Variants in IDO2 observed in about 807,000 individuals in gnomAD.
IDO2 encodes the protein indoleamine 2,3-dioxygenase 2, also known as indoleamine 2,3-dioxygenase-like 1 protein.
Under a neutral mutation model 45.1 loss-of-function variants are expected in IDO2, and 46 were observed. That is an observed-to-expected ratio of 1.02 (90% CI 0.80 to 1.30). The LOEUF (loss-of-function observed/expected upper bound fraction) is 1.30. Ranked by LOEUF, IDO2 falls within the 50% of genes most tolerant of loss-of-function variation. IDO2 has a pLI of 0.00. For synonymous variants in IDO2, 218 were observed against 184.9 expected (o/e 1.18, Z -1.45); for missense variants, 544 against 491.8 (o/e 1.11, Z -1.00).
chr8:39,943,320 G>A (rs1003373251), intron 1 of IDO2, among the ~76,000 whole-genome samples: 5 of 152,108 alleles, frequency 3.3e-5, no homozygotes, highest in African/African-American at 1.2e-4. Flanking sequence ...GCAGTAAGCC[G>A]AGATTGTGCC....
At position 40,002,927 on chromosome 8, in the gene IDO2, G is replaced by T. The variant is rs191770312; in HGVS notation, c.668-2400G>T. 3.9e-4 allele frequency among the ~76,000 whole-genome samples: 60 copies of T among 152,178 alleles called. No individual in the cohort carries two copies. In the East Asian group the frequency reaches 5.6e-3, roughly 14 times the overall value. ...TATTATGAATAAGGCAAAAAGAGAG[G>T]CAGAGAATAGCATAAAATAATAACT... On this transcript the variant is annotated intron_variant, in intron 8 of 10. Transcript: ENST00000502986.
chr8:39,985,544 A>G, intron 6 of IDO2, 22 bp downstream of exon 6: 3 of 1,556,144 alleles, frequency 1.9e-6, no homozygotes, highest in Non-Finnish European at 2.6e-6. Context: ...GAAATCATTT[A>G]CGCACTTTAG....
At chr8:39,942,387 T>C (rs1807655944) in intron 1 of IDO2, among the ~76,000 whole-genome samples, 1 of 152,214 alleles carries the variant, frequency 6.6e-6, no homozygotes, top group Non-Finnish European at 1.5e-5. Flanking sequence ...TTCACGCCTG[T>C]AATCCCAGCA....
chr8:39,943,685 C>G (rs1406978333), intron 1 of IDO2, among the ~76,000 whole-genome samples: 1 of 141,778 alleles, frequency 7.1e-6, no homozygotes, highest in Non-Finnish European at 1.5e-5. Flanking sequence ...CTGCAGTGAG[C>G]TGAGATCGCG....
At chr8:39,973,105 A>G (rs893509422) in intron 3 of IDO2, among the ~76,000 whole-genome samples, 4 of 152,132 alleles carry the variant, frequency 2.6e-5, no homozygotes, top group Admixed American at 1.3e-4. Context: ...AAGTAAATAG[A>G]TGATGGATGA....
chr8:39,963,416 G>A (rs1808029040), intron 2 of IDO2, among the ~76,000 whole-genome samples, 192 bp from the exon 3 acceptor site: 1 of 152,112 alleles, frequency 6.6e-6, no homozygotes, highest in South Asian at 2.1e-4. Context: ...TCCCGTACTA[G>A]GCAATATGCT....
chr8:39,969,875 C>CA (rs34762202), intron 3 of IDO2, among the ~76,000 whole-genome samples: 6 of 140,778 alleles, frequency 4.3e-5, no homozygotes, highest in East Asian at 4.1e-4. Flanking sequence ...AACTCCTTCT[C>CA]AAAAAAAAAA....
chr8:39,949,104 A>T, intron 1 of IDO2, 45 bp from the exon 2 acceptor site: 1 of 1,556,948 alleles, frequency 6.4e-7, no homozygotes, highest in South Asian at 1.2e-5. Flanking sequence ...CTGGGTGTTT[A>T]ATTTATTAGG....
chr8:39,942,470 C>T (rs1407616023), intron 1 of IDO2, among the ~76,000 whole-genome samples: 2 of 152,104 alleles, frequency 1.3e-5, no homozygotes, highest in Non-Finnish European at 2.9e-5. Flanking sequence ...ATGACTAAAG[C>T]CTGTCTCTAC....
chr8:40,002,809 A>C (rs1802160132), intron 8 of IDO2, among the ~76,000 whole-genome samples: 1 of 152,072 alleles, frequency 6.6e-6, no homozygotes, highest in African/African-American at 2.4e-5. Context: ...AAAATAAAAT[A>C]TCTATGTTGG....
chr8:39,999,582 A>G (rs1265255672), intron 8 of IDO2, among the ~76,000 whole-genome samples: 1 of 151,492 alleles, frequency 6.6e-6, no homozygotes, highest in East Asian at 1.9e-4. Context: ...CCTGGCCACA[A>G]TTTTTAAACT....
intron 9 of IDO2, among the ~76,000 whole-genome samples, chr8:40,008,168 T>A (rs1041834225): frequency 6.0e-5 from 9 of 151,236 alleles, no homozygotes; most frequent in Non-Finnish European, 1.3e-4. Context: ...TGCCTCAGCC[T>A]CCCGAGTAGC....
intron 1 of IDO2, among the ~76,000 whole-genome samples, chr8:39,948,722 C>T (rs184102028): frequency 1.3e-5 from 2 of 152,274 alleles, no homozygotes; most frequent in East Asian, 1.9e-4. Context: ...ACCTTGCTAA[C>T]AATTTTGATA....
intron 3 of IDO2, among the ~76,000 whole-genome samples, chr8:39,967,970 C>T (rs1444718980): frequency 6.6e-6 from 1 of 151,550 alleles, no homozygotes; most frequent in East Asian, 1.9e-4. Context: ...ATTTACCATG[C>T]AACTCAGCAA....
At chr8:40,008,298 A>G (rs2955885) in intron 9 of IDO2, among the ~76,000 whole-genome samples, 110,472 of 151,924 alleles carry the variant, frequency 0.73, 40,361 homozygotes, top group Middle Eastern at 0.79. Flanking sequence ...CTCCCACTTC[A>G]GCCTCCCAAA....
intron 1 of IDO2, among the ~76,000 whole-genome samples, chr8:39,936,146 T>G (rs1320522752): frequency 6.6e-6 from 1 of 152,222 alleles, no homozygotes; most frequent in African/African-American, 2.4e-5. Context: ...GGAGGAAATA[T>G]GAATATGCTT....
intron 6 of IDO2, 105 bp downstream of exon 6, chr8:39,985,627 A>G (rs561663230): frequency 1.1e-6 from 1 of 898,162 alleles, no homozygotes; most frequent in South Asian, 1.6e-5. Flanking sequence ...ATAATATAAT[A>G]TCAACCATAT....
chr8:40,009,819 C>T (rs941206497), intron 9 of IDO2, among the ~76,000 whole-genome samples: 2 of 152,214 alleles, frequency 1.3e-5, no homozygotes, highest in African/African-American at 4.8e-5. Flanking sequence ...CCATTTGAGA[C>T]ATTGGATGGC....
At chr8:39,941,537 G>A (rs1030305488) in intron 1 of IDO2, among the ~76,000 whole-genome samples, 2 of 152,016 alleles carry the variant, frequency 1.3e-5, no homozygotes, top group East Asian at 3.9e-4. Context: ...TTATTGGCAG[G>A]ACCTAAGATA....
Sources: allele counts gnomAD v4.1 joint callset (sites outside exome capture counted in the v4.1 genomes callset), GRCh38; gene constraint gnomAD v4.1.1; transcripts MANE v1.5; gene names NCBI Gene and HGNC (gene_info 2026-07-23, HGNC 2026-07-21).